GRIP1: variants seen among roughly 807,000 people sequenced by gnomAD.
GRIP1 encodes the protein glutamate receptor interacting protein 1, also known as glutamate receptor-interacting protein 1.
Under a neutral mutation model 129.9 loss-of-function variants are expected in GRIP1, and 45 were observed. The ratio of observed to expected loss-of-function variants is 0.35; its 90% CI spans 0.27 to 0.44. The LOEUF (loss-of-function observed/expected upper bound fraction) is 0.44. GRIP1 is among the 20% of genes least tolerant of loss of function. The pLI, the probability that GRIP1 is intolerant of heterozygous loss-of-function variation, is 1.00. For missense variants in GRIP1, 1,196 were observed against 1,396.8 expected, an observed-to-expected ratio of 0.86 and a Z score of 2.29; for synonymous variants, 530 against 520.8, an observed-to-expected ratio of 1.02 and a Z score of -0.24.
At chr12:67,061,500 G>A (rs982038463) in intron 1 of GRIP1, among the ~76,000 whole-genome samples, 5 of 152,294 alleles carry the variant, frequency 3.3e-5, no homozygotes, top group Admixed American at 6.5e-5. Flanking sequence ...AGTACAAGAA[G>A]TATATTAAAA....
intron 24 of GRIP1, among the ~76,000 whole-genome samples, chr12:66,353,206 G>A (rs1474514071): frequency 1.3e-5 from 2 of 152,112 alleles, no homozygotes; most frequent in Admixed American, 1.3e-4. Context: ...GAAAAAAACT[G>A]GTAAGAAACC....
At chr12:66,922,654 A>C (rs190990192) in intron 1 of GRIP1, among the ~76,000 whole-genome samples, 2 of 152,352 alleles carry the variant, frequency 1.3e-5, no homozygotes, top group East Asian at 3.9e-4. Flanking sequence ...GTATCCAAAC[A>C]GATTTTAGCA....
intron 1 of GRIP1, among the ~76,000 whole-genome samples, chr12:67,017,666 T>C (rs1043796673): frequency 1.3e-5 from 2 of 152,126 alleles, no homozygotes; most frequent in African/African-American, 4.8e-5. Context: ...AGTAACATGG[T>C]GTTGGCCAGC....
At chr12:66,868,228 T>C (rs1225797277) in intron 1 of GRIP1, among the ~76,000 whole-genome samples, 1 of 151,892 alleles carries the variant, frequency 6.6e-6, no homozygotes, top group African/African-American at 2.4e-5. Context: ...GTTGACCAGA[T>C]AAAACAGAGA....
At chr12:66,938,968 AAGAG>A (rs1388844499) in intron 1 of GRIP1, among the ~76,000 whole-genome samples, 1 of 152,136 alleles carries the variant, frequency 6.6e-6, no homozygotes, top group Admixed American at 6.5e-5. Context: ...AGAAAAAAAA[AAGAG>A]AGAAAGCAGA....
At chr12:66,530,135 C>T (rs571579267) in intron 4 of GRIP1, among the ~76,000 whole-genome samples, 1 of 152,190 alleles carries the variant, frequency 6.6e-6, no homozygotes, top group Non-Finnish European at 1.5e-5. Context: ...CAAGTGGAAA[C>T]AAAATCATAG....
chr12:66,838,544 G>C (rs544957137), intron 1 of GRIP1, among the ~76,000 whole-genome samples: 1 of 152,126 alleles, frequency 6.6e-6, no homozygotes, highest in Non-Finnish European at 1.5e-5. Context: ...GCTCATTCAC[G>C]CATGTGAACA....
At chr12:66,953,626 G>A (rs1311595286) in intron 1 of GRIP1, among the ~76,000 whole-genome samples, 1 of 152,150 alleles carries the variant, frequency 6.6e-6, no homozygotes, top group Non-Finnish European at 1.5e-5. Flanking sequence ...TATCACCAAA[G>A]TATGGATATA....
rs140701340 is a variant in GRIP1 at position 67,069,120 on chromosome 12, T to C, written c.-13A>G. ...TCCAGCCGGGCATGGTGTCGCTCCC[T>C]GCGCTCGCTGTCGGGCTCGCTCTTT... On this transcript the variant is annotated 5_prime_UTR_variant, in exon 1 of 2. Transcript: ENST00000643019. 3,810 of 984,998 alleles carry C rather than the reference T, an allele frequency of 3.9e-3. 4 individuals carry two copies. The highest frequency in any genetic ancestry group is 4.3e-3 in the Non-Finnish European group (3,601 of 830,022). The allele number at this position is 984,998 out of a possible 1,614,324, so 61.0% of individuals were successfully genotyped here. A position where few individuals can be genotyped will look rare whatever the true frequency, so the allele number is the denominator to read the frequency against.
chr12:66,517,334 A>C (rs958503460), intron 6 of GRIP1, among the ~76,000 whole-genome samples: 1 of 152,178 alleles, frequency 6.6e-6, no homozygotes, highest in African/African-American at 2.4e-5. Context: ...TCAAATTAAC[A>C]AGGAAGAGAA....
intron 1 of GRIP1, among the ~76,000 whole-genome samples, chr12:67,005,000 G>A (rs1449499134): frequency 6.9e-6 from 1 of 145,730 alleles, no homozygotes; most frequent in African/African-American, 2.6e-5. Context: ...AAAGTCATAA[G>A]ATGAACTTTG....
intron 2 of GRIP1, chr12:66,568,318 G>A (rs11176270): frequency 0.1 from 18,290 of 174,382 alleles, 1,178 homozygotes; most frequent in East Asian, 0.19. Flanking sequence ...ACCAATGTTC[G>A]CAAAAAGGTT....
intron 1 of GRIP1, among the ~76,000 whole-genome samples, chr12:66,754,335 C>T (rs1039575343): frequency 1.3e-5 from 2 of 152,186 alleles, no homozygotes; most frequent in Admixed American, 6.5e-5. Flanking sequence ...AAAACCCATA[C>T]ATTTCCAAGG....
chr12:66,748,304 A>AAC (rs891059524), intron 1 of GRIP1, among the ~76,000 whole-genome samples: 9 of 152,214 alleles, frequency 5.9e-5, no homozygotes, highest in Non-Finnish European at 1.5e-5. Context: ...TGCGTGAGCC[A>AAC]CCATGCTTGG....
chr12:66,668,799 C>T (rs575308075), intron 1 of GRIP1, among the ~76,000 whole-genome samples: 1 of 151,854 alleles, frequency 6.6e-6, no homozygotes, highest in African/African-American at 2.4e-5. Context: ...ATAATACCAG[C>T]ATGGTGGGGT....
At chr12:66,978,657 A>G (rs1017029224) in intron 1 of GRIP1, among the ~76,000 whole-genome samples, 1 of 152,198 alleles carries the variant, frequency 6.6e-6, no homozygotes, top group African/African-American at 2.4e-5. Flanking sequence ...CTAAACATTA[A>G]AAGTTACTAG....
chr12:67,051,340 A>AT (rs1170097274), intron 1 of GRIP1, among the ~76,000 whole-genome samples: 2 of 150,738 alleles, frequency 1.3e-5, no homozygotes, highest in East Asian at 2.0e-4. Flanking sequence ...TTGCAGAGAG[A>AT]TTTTTTTTAA....
intron 8 of GRIP1, 64 bp downstream of exon 8, chr12:66,465,211 G>A: frequency 4.9e-6 from 7 of 1,432,720 alleles, no homozygotes; most frequent in Non-Finnish European, 6.9e-6. Flanking sequence ...CTCCCAAAGT[G>A]TTGGGATTAC....
intron 13 of GRIP1, among the ~76,000 whole-genome samples, chr12:66,435,413 A>T (rs2058274140): frequency 1.3e-5 from 2 of 152,154 alleles, no homozygotes; most frequent in Non-Finnish European, 2.9e-5. Flanking sequence ...CATGTTGCCT[A>T]GGCTGGTCTC....
Sources: allele counts gnomAD v4.1 joint callset (sites outside exome capture counted in the v4.1 genomes callset), GRCh38; gene constraint gnomAD v4.1.1; transcripts MANE v1.5; gene names NCBI Gene and HGNC (gene_info 2026-07-23, HGNC 2026-07-21).